MYCBP: variants seen among roughly 807,000 people sequenced by gnomAD.
MYCBP encodes MYC binding protein, also known as C-Myc-binding protein.
A neutral mutation model predicts 16.8 loss-of-function variants in MYCBP; 5 were observed. That is an observed-to-expected ratio of 0.30 (90% CI 0.16 to 0.63). The LOEUF (loss-of-function observed/expected upper bound fraction) is 0.63, where lower values mean the gene tolerates loss of function less well. Ranked by LOEUF, MYCBP falls within the 20% of genes least tolerant of loss-of-function variation. The pLI, the probability that MYCBP is intolerant of heterozygous loss-of-function variation, is 0.83. For missense variants in MYCBP, 103 were observed against 121.8 expected, an observed-to-expected ratio of 0.85 and a Z score of 0.73; for synonymous variants, 35 against 43.7, an observed-to-expected ratio of 0.80 and a Z score of 0.79.
chr1:38,863,685 G>C lies in MYCBP; in HGVS notation c.*985C>G, dbSNP rs1305320749. On this transcript the variant is annotated 3_prime_UTR_variant, in exon 5 of 5. Coordinates refer to ENST00000397572, the MANE Select transcript of MYCBP (RefSeq NM_012333.5). ...TAGTGAGTGATTTGTATTAATATCAGTCTTTGGCCTAAAAATTCAGCACCC... is the reference window on the plus strand; with the variant it reads ...TAGTGAGTGATTTGTATTAATATCACTCTTTGGCCTAAAAATTCAGCACCC... The C allele has an allele frequency of 6.6e-6, 1 of 152,614 alleles. No individual in the cohort carries two copies. Among genetic ancestry groups the C allele is most frequent in the African/African-American group, 2.4e-5 (1 of 41,450 alleles). 9.5% of individuals were successfully genotyped at this position (152,614 alleles called of 1,614,324 possible).
rs1171224207 is a variant in MYCBP, at chr1:38,863,671, T to G, written c.*999A>C. On this transcript the variant is annotated 3_prime_UTR_variant, in exon 5 of 5. Coordinates refer to ENST00000397572, the MANE Select transcript of MYCBP (RefSeq NM_012333.5). Reference sequence around the variant, plus strand: ...CAAGGCTCTACAGTTAGTGAGTGATTTGTATTAATATCAGTCTTTGGCCTA... The same window carrying G: ...CAAGGCTCTACAGTTAGTGAGTGATGTGTATTAATATCAGTCTTTGGCCTA... 1 of 152,640 alleles carries G rather than the reference T, an allele frequency of 6.6e-6. No homozygotes were observed. Among genetic ancestry groups the G allele is most frequent in the East Asian group, 1.9e-4 (1 of 5,200 alleles). The allele number at this position is 152,640 out of a possible 1,614,324, so 9.5% of individuals were successfully genotyped here.
In MYCBP at chr1:38,873,036, G is replaced by T; in HGVS notation, c.70C>A (p.Leu24Met). 6.3e-7 allele frequency: 1 copy of T among 1,576,510 alleles called. No homozygotes were observed. The highest frequency in any genetic ancestry group is 1.4e-5 in the African/African-American group (1 of 73,674). The change falls in exon 2 of 5, where the codon CTG becomes ATG. Residue 24 changes from leucine (L) to methionine (M), a missense_variant. Coordinates refer to ENST00000397572, the MANE Select transcript of MYCBP (RefSeq NM_012333.5). ...FRRYLEKSGV[L>M]DTLTKVLVAL... is the part of the protein sequence containing the mutation. Reference sequence around the variant, plus strand: ...GGCTCACCCTTGGTCAGCGTGTCCAGCACCCCCGACTTCTCCAAGTACCTC... The same window carrying T: ...GGCTCACCCTTGGTCAGCGTGTCCATCACCCCCGACTTCTCCAAGTACCTC...
chr1:38,869,083 T>C (rs558076120), intron 2 of MYCBP, among the ~76,000 whole-genome samples: 3 of 150,114 alleles, frequency 2.0e-5, no homozygotes, highest in Non-Finnish European at 3.0e-5. Flanking sequence ...TTCATTTGGT[T>C]TTTTTTTTTT....
In MYCBP at chr1:38,863,666, G is replaced by A. The variant is rs1642282626; in HGVS notation, c.*1004C>T. On this transcript the variant is annotated 3_prime_UTR_variant, in exon 5 of 5. Transcript: ENST00000397572. ...ATGCCCAAGGCTCTACAGTTAGTGA[G>A]TGATTTGTATTAATATCAGTCTTTG... 1 of 152,654 alleles carries A rather than the reference G, an allele frequency of 6.6e-6. No individual in the cohort carries two copies. The allele number at this position is 152,654 out of a possible 1,614,324, so 9.5% of individuals were successfully genotyped here. A position where few individuals can be genotyped will look rare whatever the true frequency, so the allele number is the denominator to read the frequency against.
intron 4 of MYCBP, 111 bp downstream of exon 4, chr1:38,866,769 C>A: frequency 1.1e-6 from 1 of 917,444 alleles, no homozygotes; most frequent in Admixed American, 2.9e-5. Context: ...GTAATTAATT[C>A]AAATTGATAT....
Position 38,864,568 on chromosome 1 carries a change from TAA to T in MYCBP, c.*100_*101del. On this transcript the variant is annotated 3_prime_UTR_variant, in exon 5 of 5. Transcript: ENST00000397572. ...AGTGTGATAGGTGAATTAAACATAT[TAA>T]AAGAGTTCTATAGCATCTGTTCAGA... 2.5e-6 allele frequency: 3 copies of T among 1,187,422 alleles called. No individual in the cohort carries two copies. The highest frequency in any genetic ancestry group is 1.2e-6 in the Non-Finnish European group (1 of 805,122). 73.6% of individuals were successfully genotyped at this position (1,187,422 alleles called of 1,614,324 possible).
At chr1:38,869,869 C>T (rs999734341) in intron 2 of MYCBP, among the ~76,000 whole-genome samples, 4 of 142,476 alleles carry the variant, frequency 2.8e-5, no homozygotes, top group Admixed American at 2.8e-4. Context: ...CCCAACTCTA[C>T]AAAAAAAAAA....
At position 38,873,295 on chromosome 1, in the gene MYCBP, T is replaced by A; in HGVS notation, c.11A>T (p.Tyr4Phe). Reference protein sequence around the residue: MAHYKAADSKREQF... With the variant: MAHFKAADSKREQF... Reference sequence around the variant, plus strand: ...GCCACGCCGCGCCCCCCTCACTTTGTAATGGGCCATAGTGACAGCGGCAGC... The same window carrying A: ...GCCACGCCGCGCCCCCCTCACTTTGAAATGGGCCATAGTGACAGCGGCAGC... The change falls in exon 1 of 5, where the codon TAC becomes TTC. Residue 4 changes from tyrosine to phenylalanine, a missense_variant. By Grantham distance (22) the Tyr-to-Phe change is conservative. Transcript: ENST00000397572. The A allele has an allele frequency of 6.2e-7, 1 of 1,603,134 alleles. No homozygotes were observed. The highest frequency in any genetic ancestry group is 1.3e-5 in the African/African-American group (1 of 74,988).
At chr1:38,866,724 G>GT (rs1325254917) in intron 4 of MYCBP, among the ~76,000 whole-genome samples, 156 bp downstream of exon 4, 1 of 152,068 alleles carries the variant, frequency 6.6e-6, no homozygotes, top group African/African-American at 2.4e-5. Flanking sequence ...CCGTCTTGTG[G>GT]TTTTCTTGAC....
At chr1:38,872,696 G>T in intron 2 of MYCBP, 1 of 383,198 alleles carries the variant, frequency 2.6e-6, no homozygotes, top group Non-Finnish European at 4.8e-6. Flanking sequence ...AAAACCGTAA[G>T]GTGGGAGGAA....
At chr1:38,872,106 T>C (rs149084248) in intron 2 of MYCBP, among the ~76,000 whole-genome samples, 75 of 152,350 alleles carry the variant, frequency 4.9e-4, no homozygotes, top group African/African-American at 1.8e-3. Flanking sequence ...ACCCAGGAGT[T>C]ATGCTCCTAG....
At chr1:38,872,956 A>G (rs1318372836) in intron 2 of MYCBP, 62 bp downstream of exon 2, 1 of 1,528,970 alleles carries the variant, frequency 6.5e-7, no homozygotes, top group Non-Finnish European at 8.9e-7. Context: ...CCCGCTGGGG[A>G]ACGGGGCAGC....
chr1:38,873,293 T>G lies in MYCBP; in HGVS notation c.13A>C (p.Lys5Gln). ...CAGCCACGCCGCGCCCCCCTCACTTTGTAATGGGCCATAGTGACAGCGGCA... is the reference window on the plus strand; with the variant it reads ...CAGCCACGCCGCGCCCCCCTCACTTGGTAATGGGCCATAGTGACAGCGGCA... MAHY[K>Q]AADSKREQFR... is the part of the protein sequence containing the mutation. Residue 5 changes from lysine (K) to glutamine (Q), a missense_variant and splice_region_variant, in exon 1 of 5, where the codon AAA (lysine) becomes CAA (glutamine). Lys to Gln is a moderately conservative substitution (Grantham distance 53). Coordinates refer to ENST00000397572, the MANE Select transcript of MYCBP (RefSeq NM_012333.5). The G allele has an allele frequency of 6.2e-7, 1 of 1,603,066 alleles. No individual in the cohort carries two copies. The highest frequency in any genetic ancestry group is 1.1e-5 in the South Asian group (1 of 90,740).
In MYCBP at chr1:38,864,660, G is replaced by C; in HGVS notation, c.*10C>G. 1 of 1,613,716 alleles carries C rather than the reference G, an allele frequency of 6.2e-7. No individual in the cohort carries two copies. Among genetic ancestry groups the C allele is most frequent in the Non-Finnish European group, 8.5e-7 (1 of 1,179,726 alleles). On this transcript the variant is annotated 3_prime_UTR_variant, in exon 5 of 5. Coordinates refer to ENST00000397572, the MANE Select transcript of MYCBP (RefSeq NM_012333.5). ...ACCATTTTTCATTGTCTTTCAAACTGAGAAGAATCCTATTCAGCACGCTTC... is the reference window on the plus strand; with the variant it reads ...ACCATTTTTCATTGTCTTTCAAACTCAGAAGAATCCTATTCAGCACGCTTC...
intron 3 of MYCBP, 126 bp from the exon 4 acceptor site, chr1:38,867,135 T>C: frequency 2.1e-6 from 2 of 936,706 alleles, no homozygotes; most frequent in Non-Finnish European, 3.1e-6. Context: ...GAGATCACCA[T>C]CCAAAAACTC....
chr1:38,870,016 A>G (rs2124261557), intron 2 of MYCBP, among the ~76,000 whole-genome samples: 1 of 151,952 alleles, frequency 6.6e-6, no homozygotes, highest in African/African-American at 2.4e-5. Context: ...AAAATACAAA[A>G]AAAATTAGCC....
Position 38,867,090 on chromosome 1 carries a change from C to T in MYCBP, c.138-81G>A, listed in dbSNP as rs147884509. 3,318 of 1,278,252 alleles carry T rather than the reference C, an allele frequency of 2.6e-3. 12 individuals carry two copies. Among genetic ancestry groups the T allele is most frequent in the Non-Finnish European group, 2.4e-3 (2,225 of 918,502 alleles). The allele number at this position is 1,278,252 out of a possible 1,614,324, so 79.2% of individuals were successfully genotyped here. Reference sequence around the variant, plus strand: ...CACAGAGTAGTATCAATATCCCTGACCAGAGTCACCCACTTTACCACCAAT... The same window carrying T: ...CACAGAGTAGTATCAATATCCCTGATCAGAGTCACCCACTTTACCACCAAT... On this transcript the variant is annotated intron_variant, in intron 3 of 4. Transcript: ENST00000397572.
rs1335646348 is a variant in MYCBP, at chr1:38,869,095, TTTTTTTTTTTGA to T, written c.89-1497_89-1486del. On this transcript the variant is annotated intron_variant, in intron 2 of 4. Transcript: ENST00000397572. ...AAATTCATTTGGTTTTTTTTTTTTG[TTTTTTTTTTTGA>T]GATAGAGTTTTGCTCTTGTTGCCCA... Among the ~76,000 whole-genome samples, 202 of 145,212 alleles carry T rather than the reference TTTTTTTTTTTGA, an allele frequency of 1.4e-3. 1 individual carries two copies. Among genetic ancestry groups the T allele is most frequent in the African/African-American group, 5.0e-3 (197 of 39,516 alleles).
At position 38,864,432 on chromosome 1, in the gene MYCBP, TTAGA is replaced by T; in HGVS notation, c.*234_*237del. On this transcript the variant is annotated 3_prime_UTR_variant, in exon 5 of 5. Coordinates refer to ENST00000397572, the MANE Select transcript of MYCBP (RefSeq NM_012333.5). Reference sequence around the variant, plus strand: ...ACAGAATGTCTTTTAAGGTAATGAGTTAGATGGCTGTGTTTAGGTTTTGTTCAGG... The same window carrying T: ...ACAGAATGTCTTTTAAGGTAATGAGTTGGCTGTGTTTAGGTTTTGTTCAGG... The T allele has an allele frequency of 1.8e-6, 1 of 542,270 alleles. No homozygotes were observed. Among genetic ancestry groups the T allele is most frequent in the Non-Finnish European group, 3.3e-6 (1 of 302,568 alleles). 33.6% of individuals were successfully genotyped at this position (542,270 alleles called of 1,614,324 possible). A position where few individuals can be genotyped will look rare whatever the true frequency, so the allele number is the denominator to read the frequency against.
Sources: allele counts gnomAD v4.1 joint callset (sites outside exome capture counted in the v4.1 genomes callset), GRCh38; gene constraint gnomAD v4.1.1; transcripts MANE v1.5; gene names NCBI Gene and HGNC (gene_info 2026-07-23, HGNC 2026-07-21).